The following IQCK variants were observed in gnomAD, a reference collection of about 807,000 sequenced individuals.
The protein encoded by IQCK is IQ motif containing K.
Under a neutral mutation model 28.1 loss-of-function variants are expected in IQCK, and 29 were observed. The observed-to-expected ratio is 1.03, with a 90% CI of 0.77 to 1.41. The LOEUF (loss-of-function observed/expected upper bound fraction) is 1.41. IQCK is among the 40% of genes most tolerant of loss of function. The pLI, the probability that IQCK is intolerant of heterozygous loss-of-function variation, is 0.00. For missense variants in IQCK, 359 were observed against 314.7 expected, an observed-to-expected ratio of 1.14 and a Z score of -1.07; for synonymous variants, 113 against 115.1, an observed-to-expected ratio of 0.98 and a Z score of 0.12.
At position 19,726,324 on chromosome 16, in the gene IQCK, G is replaced by A. The variant is rs115500816; in HGVS notation, c.182-4106G>A. Among the ~76,000 whole-genome samples, 298 of 152,290 alleles carry A rather than the reference G, an allele frequency of 2.0e-3. 3 individuals carry two copies. Among genetic ancestry groups the A allele is most frequent in the African/African-American group, 7.0e-3 (290 of 41,556 alleles). On this transcript the variant is annotated intron_variant, in intron 1 of 7. Transcript: ENST00000564186. ...TTACATGTGTTGAAAAACTTTTAAT[G>A]TATAAGATTGATTATACTCTAGAGA... is the stretch of plus-strand genomic sequence containing the variant.
chr16:19,816,529 G>A (rs558807162), intron 7 of IQCK, among the ~76,000 whole-genome samples: 5 of 152,124 alleles, frequency 3.3e-5, no homozygotes, highest in Non-Finnish European at 5.9e-5. Flanking sequence ...GGATCCACCC[G>A]CCTCAGCCTC....
At chr16:19,846,870 C>G (rs1436845284) in intron 9 of IQCK, among the ~76,000 whole-genome samples, 1 of 151,292 alleles carries the variant, frequency 6.6e-6, no homozygotes, top group East Asian at 1.9e-4. Flanking sequence ...ATGTATTGCT[C>G]TTCATGGAAA....
chr16:19,790,815 A>AAAAC lies in IQCK; in HGVS notation c.690+1912_690+1915dup, dbSNP rs375953287. 1.2e-4 allele frequency among the ~76,000 whole-genome samples: 8 copies of AAAAC among 66,166 alleles called. 1 individual carries two copies. The highest frequency in any genetic ancestry group is 1.7e-4 in the Non-Finnish European group (7 of 42,146). The allele number at this position is 66,166 out of a possible 152,430, so 43.4% of individuals were successfully genotyped here. On this transcript the variant is annotated intron_variant, in intron 7 of 7. Transcript: ENST00000564186. The stretch of plus-strand genomic sequence containing the variant: ...AGGAGAAGTCTGTGCCCAAAGAGTT[A>AAAAC]AAACAAACAAACAAACAAACAACAA...
intron 6 of IQCK, among the ~76,000 whole-genome samples, chr16:19,775,159 G>A (rs1406077894): frequency 2.0e-5 from 3 of 151,676 alleles, no homozygotes; most frequent in South Asian, 2.1e-4. Context: ...CCCGGGAGGT[G>A]GAGATTGCAG....
chr16:19,720,353 T>C (rs1016134221), intron 1 of IQCK, among the ~76,000 whole-genome samples: 11 of 152,260 alleles, frequency 7.2e-5, no homozygotes, highest in African/African-American at 1.2e-4. Flanking sequence ...CGGTAGTTAT[T>C]GTGGCTGCCT....
chr16:19,756,217 T>G (rs563458823), intron 4 of IQCK, among the ~76,000 whole-genome samples: 2 of 152,200 alleles, frequency 1.3e-5, no homozygotes, highest in South Asian at 4.2e-4. Flanking sequence ...CATATTCTTT[T>G]GATTGGCCAT....
intron 7 of IQCK, among the ~76,000 whole-genome samples, chr16:19,793,661 T>A (rs1567559629): frequency 7.4e-6 from 1 of 134,258 alleles, no homozygotes; most frequent in South Asian, 2.3e-4. Context: ...TTTTTTTTTT[T>A]TTTTTTTTTT....
chr16:19,812,555 G>T (rs891826313), intron 7 of IQCK, among the ~76,000 whole-genome samples: 9 of 152,084 alleles, frequency 5.9e-5, no homozygotes, highest in Non-Finnish European at 1.5e-5. Flanking sequence ...GATGCACAAA[G>T]CCGAAAATAT....
In IQCK at chr16:19,811,420, C is replaced by T. The variant is rs562986879; in HGVS notation, c.691-15606C>T. 2.1e-3 allele frequency among the ~76,000 whole-genome samples: 315 copies of T among 152,284 alleles called. 1 individual carries two copies. The highest frequency in any genetic ancestry group is 4.6e-3 in the South Asian group (22 of 4,824). On this transcript the variant is annotated intron_variant, in intron 7 of 7. Coordinates refer to ENST00000564186, the Ensembl canonical transcript of IQCK. ...CCCTGGTTATTTGGGTAAACAAGTA[C>T]AGCGAACAGTTGGATGAACTTTATC...
chr16:19,730,743 G>GTCTA (rs373857609), intron 2 of IQCK, among the ~76,000 whole-genome samples: 44 of 126,392 alleles, frequency 3.5e-4, no homozygotes, highest in Non-Finnish European at 5.0e-4. Context: ...CTGTCTGTCT[G>GTCTA]TCTATCTATC....
chr16:19,855,198 A>G (rs2056542887), intron 9 of IQCK, among the ~76,000 whole-genome samples: 2 of 152,086 alleles, frequency 1.3e-5, no homozygotes, highest in African/African-American at 4.8e-5. Context: ...CTGGAAATTG[A>G]TTTCCTTTGA....
chr16:19,853,315 G>A (rs528901523), intron 9 of IQCK, among the ~76,000 whole-genome samples: 1 of 152,064 alleles, frequency 6.6e-6, no homozygotes, highest in Non-Finnish European at 1.5e-5. Context: ...AACACCTCTC[G>A]GTCCTCCCCC....
chr16:19,807,416 G>A (rs762245940), intron 7 of IQCK, among the ~76,000 whole-genome samples: 11 of 152,232 alleles, frequency 7.2e-5, no homozygotes, highest in East Asian at 1.9e-4. Context: ...GGCTGCTGCA[G>A]AGAGAACAGA....
chr16:19,806,195 T>G (rs926940966), intron 7 of IQCK, among the ~76,000 whole-genome samples: 5 of 152,048 alleles, frequency 3.3e-5, no homozygotes, highest in Non-Finnish European at 7.4e-5. Context: ...CTGGATGTAT[T>G]GAGGACCAGC....
intron 7 of IQCK, among the ~76,000 whole-genome samples, chr16:19,793,703 G>A (rs568816634): frequency 6.6e-5 from 4 of 60,678 alleles, no homozygotes; most frequent in Non-Finnish European, 1.0e-4. Context: ...CCTAAAATTC[G>A]TATGAAGATG....
chr16:19,822,536 A>T (rs530032586), intron 7 of IQCK, among the ~76,000 whole-genome samples: 2 of 152,336 alleles, frequency 1.3e-5, no homozygotes, highest in East Asian at 3.9e-4. Flanking sequence ...TGATATGCTG[A>T]CTGGAAGAAT....
intron 7 of IQCK, 65 bp from the exon 8 acceptor site, chr16:19,826,960 AG>A (rs1409692230): frequency 1.0e-6 from 1 of 978,212 alleles, no homozygotes; most frequent in Admixed American, 1.8e-5. Flanking sequence ...TTTTCCATGC[AG>A]GGTTAATAAG....
chr16:19,833,758 C>G (rs1326919930), intron 9 of IQCK, among the ~76,000 whole-genome samples: 2 of 152,112 alleles, frequency 1.3e-5, no homozygotes, highest in Non-Finnish European at 2.9e-5. Context: ...AAAGGCTATT[C>G]TTAAGATGAA....
chr16:19,816,447 A>G (rs919873460), intron 7 of IQCK, among the ~76,000 whole-genome samples: 2 of 151,964 alleles, frequency 1.3e-5, no homozygotes, highest in Non-Finnish European at 2.9e-5. Context: ...ACACCCAGAT[A>G]ATTTTTGTAT....
Sources: gnomAD v4.1 joint callset for allele counts (sites outside exome capture counted in the v4.1 genomes callset) on GRCh38, gnomAD v4.1.1 for gene constraint, MANE v1.5 for transcripts, NCBI Gene and HGNC (gene_info 2026-07-23, HGNC 2026-07-21) for gene names.